MRAP2: variants seen among roughly 807,000 people sequenced by gnomAD.
The protein encoded by MRAP2 is melanocortin 2 receptor accessory protein 2, also known as melanocortin-2 receptor accessory protein 2.
Under a neutral mutation model 17.4 loss-of-function variants are expected in MRAP2, and 20 were observed. The observed-to-expected ratio is 1.15, with a 90% confidence interval of 0.81 to 1.67. The LOEUF (loss-of-function observed/expected upper bound fraction) is 1.67, where lower values mean the gene tolerates loss of function less well. Ranked by LOEUF, MRAP2 falls within the 40% of genes most tolerant of loss-of-function variation. The pLI is 0.00. For synonymous variants in MRAP2, 96 were observed against 88.4 expected (o/e 1.09, Z -0.48); for missense variants, 238 against 240.0 (o/e 0.99, Z 0.05).
intron 1 of MRAP2, among the ~76,000 whole-genome samples, chr6:84,034,977 G>T (rs1406194848): frequency 6.6e-6 from 1 of 152,142 alleles, no homozygotes. Flanking sequence ...ACGAGGGCCT[G>T]CAAGGATAAG....
chr6:84,092,916 C>T (rs2099502013), downstream of MRAP2, among the ~76,000 whole-genome samples: 1 of 152,140 alleles, frequency 6.6e-6, no homozygotes, highest in Non-Finnish European at 1.5e-5. Context: ...AATCATCAGT[C>T]CCCAAAATAA....
At chr6:84,038,483 CTTAT>C (rs145405006) in intron 1 of MRAP2, among the ~76,000 whole-genome samples, 31 of 151,856 alleles carry the variant, frequency 2.0e-4, no homozygotes, top group Non-Finnish European at 3.8e-4. Flanking sequence ...TTTTATATTT[CTTAT>C]TTATTTATTT....
chr6:84,063,268 T>G (rs2099493655), intron 3 of MRAP2: 2 of 985,234 alleles, frequency 2.0e-6, no homozygotes, highest in African/African-American at 3.5e-5. Context: ...GATTTTTACA[T>G]TGAAATGTTT....
chr6:84,087,159 A>C (rs562970578), intron 3 of MRAP2, among the ~76,000 whole-genome samples: 4 of 149,494 alleles, frequency 2.7e-5, no homozygotes, highest in Non-Finnish European at 5.9e-5. Flanking sequence ...CAAGGTGGTT[A>C]CAGCACAGTT....
the MRAP2 span, among the ~76,000 whole-genome samples, chr6:84,145,771 C>T: frequency 6.6e-6 from 1 of 152,090 alleles, no homozygotes; most frequent in Admixed American, 6.6e-5. Context: ...AGCTAATATA[C>T]GGACAATTTT....
chr6:84,130,778 A>G, the MRAP2 span, among the ~76,000 whole-genome samples: 4 of 151,730 alleles, frequency 2.6e-5, no homozygotes, highest in South Asian at 8.3e-4. Flanking sequence ...CTAGTGGTCT[A>G]TTTTGTTGAT....
At chr6:84,083,082 A>G (rs2099499419) in intron 3 of MRAP2, among the ~76,000 whole-genome samples, 1 of 152,180 alleles carries the variant, frequency 6.6e-6, no homozygotes, top group African/African-American at 2.4e-5. Context: ...CAGAGACAGG[A>G]CTTGCGTCAG....
intron 1 of MRAP2, among the ~76,000 whole-genome samples, chr6:84,042,050 G>T (rs2099487727): frequency 6.6e-6 from 1 of 152,184 alleles, no homozygotes; most frequent in African/African-American, 2.4e-5. Context: ...ATGTGTTGTG[G>T]GAGGGACCTG....
At chr6:84,127,630 A>G in the MRAP2 span, among the ~76,000 whole-genome samples, 1 of 152,224 alleles carries the variant, frequency 6.6e-6, no homozygotes, top group Non-Finnish European at 1.5e-5. Context: ...AGGCATAGTC[A>G]TACACAGAAT....
intron 2 of MRAP2, 22 bp downstream of exon 2, chr6:84,055,467 A>C (rs2099491452): frequency 1.2e-6 from 2 of 1,605,310 alleles, no homozygotes; most frequent in Admixed American, 1.7e-5. Flanking sequence ...ACAATTCCTC[A>C]TTGAAAGCAT....
At chr6:84,128,164 A>G in the MRAP2 span, among the ~76,000 whole-genome samples, 2 of 152,178 alleles carry the variant, frequency 1.3e-5, no homozygotes, top group African/African-American at 4.8e-5. Context: ...TAGTCCATTC[A>G]CCTTTCAATG....
chr6:84,135,872 C>CAA, the MRAP2 span, among the ~76,000 whole-genome samples: 1 of 152,078 alleles, frequency 6.6e-6, no homozygotes, highest in African/African-American at 2.4e-5. Context: ...AAAAAAACAA[C>CAA]AAAAAAATGA....
intron 3 of MRAP2, among the ~76,000 whole-genome samples, chr6:84,080,001 T>A (rs1170269724): frequency 6.6e-6 from 1 of 151,002 alleles, no homozygotes; most frequent in Non-Finnish European, 1.5e-5. Context: ...TTCATAACCT[T>A]CCCCAGCTCT....
intron 3 of MRAP2, among the ~76,000 whole-genome samples, chr6:84,077,280 T>C (rs1481791698): frequency 2.0e-5 from 3 of 152,036 alleles, no homozygotes; most frequent in Non-Finnish European, 4.4e-5. Context: ...GACATTGGAG[T>C]TGACAGTGAA....
intron 1 of MRAP2, chr6:84,045,395 C>T (rs1469059093): frequency 1.0e-6 from 1 of 985,100 alleles, no homozygotes; most frequent in Non-Finnish European, 1.2e-6. Context: ...CCTCTGTGCT[C>T]TGGAGCCACC....
At chr6:84,117,589 G>A in the MRAP2 span, among the ~76,000 whole-genome samples, 2 of 151,368 alleles carry the variant, frequency 1.3e-5, no homozygotes, top group Admixed American at 6.6e-5. Flanking sequence ...TGGTTCTCAT[G>A]TTTGGGGGCT....
the MRAP2 span, among the ~76,000 whole-genome samples, chr6:84,145,210 A>C: frequency 6.6e-6 from 1 of 152,202 alleles, no homozygotes; most frequent in East Asian, 1.9e-4. Context: ...TATTTGGGGG[A>C]TCTCTAGAAG....
intron 1 of MRAP2, chr6:84,052,853 A>G (rs913347324): frequency 5.0e-5 from 48 of 961,136 alleles, no homozygotes; most frequent in Non-Finnish European, 5.7e-5. Context: ...TCCCACCTTC[A>G]GGACTTTTGC....
chr6:84,131,115 C>A, the MRAP2 span, among the ~76,000 whole-genome samples: 1 of 152,140 alleles, frequency 6.6e-6, no homozygotes, highest in African/African-American at 2.4e-5. Flanking sequence ...CATTATTTAT[C>A]CAGTAGTCCT....
Sources: allele counts gnomAD v4.1 joint callset (sites outside exome capture counted in the v4.1 genomes callset), GRCh38; gene constraint gnomAD v4.1.1; transcripts MANE v1.5; gene names NCBI Gene and HGNC (gene_info 2026-07-23, HGNC 2026-07-21).